The following PPM1E variants were observed in gnomAD, a reference collection of about 807,000 sequenced individuals.
PPM1E encodes the protein protein phosphatase 1E.
A neutral mutation model predicts 65.9 loss-of-function variants in PPM1E; 20 were observed. That is an observed-to-expected ratio of 0.30 (90% CI 0.21 to 0.44). The LOEUF (loss-of-function observed/expected upper bound fraction) is 0.44. Ranked by LOEUF, PPM1E falls within the 20% of genes least tolerant of loss-of-function variation. The pLI, the probability that PPM1E is intolerant of heterozygous loss-of-function variation, is 1.00. For missense variants in PPM1E, 713 were observed against 953.1 expected (o/e 0.75, Z 3.32); for synonymous variants, 352 against 374.9 (o/e 0.94, Z 0.70).
intron 1 of PPM1E, among the ~76,000 whole-genome samples, chr17:58,846,499 G>A (rs964225586): frequency 8.6e-5 from 13 of 151,974 alleles, no homozygotes; most frequent in South Asian, 2.1e-4. Flanking sequence ...CAATTCCCAT[G>A]TATGAGTGAG....
Position 58,827,911 on chromosome 17 carries a change from A to AAAATAAT in PPM1E, c.464+71452_464+71453insATAATAA, listed in dbSNP as rs777546701. Among the ~76,000 whole-genome samples the AAAATAAT allele has an allele frequency of 1.0e-4, 15 of 144,704 alleles. 1 individual carries two copies. The highest frequency in any genetic ancestry group is 3.8e-4 in the African/African-American group (15 of 38,980). The allele number at this position is 144,704 out of a possible 152,430, so 94.9% of individuals were successfully genotyped here. A position where few individuals can be genotyped will look rare whatever the true frequency, so the allele number is the denominator to read the frequency against. ...AGCGAGACTCCATCTCAAAAAAAAA[A>AAAATAAT]AATAATAATAATAATAATAATAATT... On this transcript the variant is annotated intron_variant, in intron 1 of 6. Coordinates refer to ENST00000308249, the MANE Select transcript of PPM1E (RefSeq NM_014906.5).
intron 1 of PPM1E, among the ~76,000 whole-genome samples, chr17:58,943,583 C>T (rs2052103370): frequency 6.6e-6 from 1 of 152,152 alleles, no homozygotes; most frequent in Non-Finnish European, 1.5e-5. Flanking sequence ...TTTCTACCCT[C>T]ATGACCTAGT....
intron 1 of PPM1E, among the ~76,000 whole-genome samples, chr17:58,930,698 T>G (rs577123236): frequency 6.6e-6 from 1 of 151,786 alleles, no homozygotes; most frequent in East Asian, 1.9e-4. Context: ...ATATTGGAAG[T>G]GCAAAAGGAG....
At chr17:58,902,110 T>G (rs1468279682) in intron 1 of PPM1E, among the ~76,000 whole-genome samples, 3 of 151,968 alleles carry the variant, frequency 2.0e-5, no homozygotes, top group Admixed American at 2.0e-4. Context: ...TAATAAAGAT[T>G]AAAACAATGT....
chr17:58,892,198 A>G (rs902477662), intron 1 of PPM1E, among the ~76,000 whole-genome samples: 2 of 152,172 alleles, frequency 1.3e-5, no homozygotes, highest in Non-Finnish European at 2.9e-5. Flanking sequence ...TCTGTACCAA[A>G]CTATACAGAT....
chr17:58,892,822 C>G (rs575185739), intron 1 of PPM1E, among the ~76,000 whole-genome samples: 2 of 152,176 alleles, frequency 1.3e-5, no homozygotes, highest in South Asian at 4.1e-4. Flanking sequence ...AGACACTTTA[C>G]CAAAACAAAT....
chr17:58,980,122 C>T lies in PPM1E; in HGVS notation c.1359C>T (p.His453=), dbSNP rs555614220. The change falls in exon 7 of 7, where the codon CAC becomes CAT. Residue 453 remains histidine, a synonymous_variant. Coordinates refer to ENST00000308249, the MANE Select transcript of PPM1E (RefSeq NM_014906.5). This position sits in a 1 kb window ranked among gnomAD's most constrained non-coding sequence, Gnocchi z 4.7. ...AGGCAGTGAAAGTTGTGTCCGACCA[C>T]CTGAAAGAGAATAATGGAGACAGCA... ...PDEAVKVVSD[H]LKENNGDSSM... 1.9e-5 allele frequency: 31 copies of T among 1,614,066 alleles called. No homozygotes were observed. The South Asian group carries it at 3.4e-4, about 18-fold the overall frequency.
intron 1 of PPM1E, among the ~76,000 whole-genome samples, chr17:58,919,051 G>A (rs965625799): frequency 1.8e-4 from 28 of 152,146 alleles, no homozygotes; most frequent in African/African-American, 6.5e-4. Flanking sequence ...ATAAATGGAA[G>A]CAGAGCTATA....
intron 1 of PPM1E, among the ~76,000 whole-genome samples, chr17:58,762,391 A>T (rs2049829508): frequency 6.6e-6 from 1 of 152,052 alleles, no homozygotes; most frequent in Non-Finnish European, 1.5e-5. Context: ...TGAGCCCAGG[A>T]GGTTGAGGTT....
intron 1 of PPM1E, among the ~76,000 whole-genome samples, chr17:58,892,393 G>A (rs1027679382): frequency 6.6e-6 from 1 of 152,016 alleles, no homozygotes; most frequent in Admixed American, 6.6e-5. Context: ...GGCAAACATA[G>A]CAAGACCCCC....
chr17:58,760,588 A>G (rs2049812137), intron 1 of PPM1E, among the ~76,000 whole-genome samples: 1 of 152,196 alleles, frequency 6.6e-6, no homozygotes, highest in African/African-American at 2.4e-5. Flanking sequence ...CAAAATGTTT[A>G]ATTGTCACAC....
At chr17:58,830,213 T>C (rs930174193) in intron 1 of PPM1E, among the ~76,000 whole-genome samples, 2 of 152,148 alleles carry the variant, frequency 1.3e-5, no homozygotes, top group African/African-American at 4.8e-5. Flanking sequence ...ACAAAAAAAT[T>C]GTTAGAAAAT....
At chr17:58,816,782 ATATATATATATATTTTTTTT>A (rs2050426925) in intron 1 of PPM1E, among the ~76,000 whole-genome samples, 1 of 8,562 alleles carries the variant, frequency 1.2e-4, no homozygotes, top group African/African-American at 6.1e-4. Context: ...ATATATATAT[ATATATATATATATTTTTTTT>A]TTTTTTTTTT....
intron 1 of PPM1E, among the ~76,000 whole-genome samples, chr17:58,856,402 C>A (rs2143284805): frequency 6.6e-6 from 1 of 152,178 alleles, no homozygotes; most frequent in East Asian, 1.9e-4. Flanking sequence ...CCATGCCTGG[C>A]TAATTTTGTA....
intron 1 of PPM1E, among the ~76,000 whole-genome samples, chr17:58,890,547 G>A (rs554029715): frequency 1.6e-4 from 24 of 152,178 alleles, no homozygotes; most frequent in Admixed American, 5.2e-4. Flanking sequence ...ATTGACTTAG[G>A]GGTTACAAAT....
chr17:58,802,342 A>G (rs1415892539), intron 1 of PPM1E, among the ~76,000 whole-genome samples: 2 of 152,130 alleles, frequency 1.3e-5, no homozygotes, highest in East Asian at 3.9e-4. Flanking sequence ...TGTTGACCAT[A>G]TAGGTTTGGG....
At chr17:58,872,046 C>T (rs921942370) in intron 1 of PPM1E, among the ~76,000 whole-genome samples, 1 of 151,882 alleles carries the variant, frequency 6.6e-6, no homozygotes, top group African/African-American at 2.4e-5. Context: ...GCCTGTAATC[C>T]CAGCACTTTG....
intron 1 of PPM1E, among the ~76,000 whole-genome samples, chr17:58,854,101 A>G (rs2050856646): frequency 6.6e-6 from 1 of 152,162 alleles, no homozygotes; most frequent in South Asian, 2.1e-4. Flanking sequence ...TTTCAAAAAT[A>G]TTTAGTGGTT....
At position 58,980,514 on chromosome 17, in the gene PPM1E, A is replaced by T; in HGVS notation, c.1751A>T (p.Gln584Leu). 1 of 1,614,212 alleles carries T rather than the reference A, an allele frequency of 6.2e-7. No individual in the cohort carries two copies. Among genetic ancestry groups the T allele is most frequent in the South Asian group, 1.1e-5 (1 of 91,088 alleles). ...GAAGCAAGCAAACCTCACAGTGCCC[A>T]GTTTTTGCTACCAGTTGAGATGTTT... The part of the protein sequence containing the change: ...QIEASKPHSA[Q>L]FLLPVEMFGP... Residue 584 changes from glutamine to leucine, a missense_variant, in exon 7 of 7, where the codon CAG (glutamine) becomes CTG (leucine). This residue lies in a region of PPM1E where 286 missense variants were observed against 313.8 expected (regional missense o/e 0.91). Coordinates refer to ENST00000308249, the MANE Select transcript of PPM1E (RefSeq NM_014906.5). This position sits in a 1 kb window ranked among gnomAD's most constrained non-coding sequence, Gnocchi z 4.7.
Sources: allele counts gnomAD v4.1 joint callset (sites outside exome capture counted in the v4.1 genomes callset), GRCh38; gene constraint gnomAD v4.1.1; regional missense constraint gnomAD v4.1.1; non-coding constraint Gnocchi (gnomAD v3.1); transcripts MANE v1.5; gene names NCBI Gene and HGNC (gene_info 2026-07-23, HGNC 2026-07-21).